NPAS3: variants seen among roughly 807,000 people sequenced by gnomAD.
NPAS3 encodes neuronal PAS domain-containing protein 3.
Under a neutral mutation model 73.1 loss-of-function variants are expected in NPAS3, and 14 were observed. That is an observed-to-expected ratio of 0.19 (90% CI 0.13 to 0.30). The LOEUF is 0.30. NPAS3 is among the 10% of genes least tolerant of loss of function. The pLI, the probability that NPAS3 is intolerant of heterozygous loss-of-function variation, is 1.00. For missense variants in NPAS3, 1,096 were observed against 1,250.0 expected (o/e 0.88, Z 1.86); for synonymous variants, 620 against 541.5 (o/e 1.14, Z -2.01).
chr14:33,597,920 A>G (rs2057293296), intron 5 of NPAS3, among the ~76,000 whole-genome samples: 1 of 152,254 alleles, frequency 6.6e-6, no homozygotes, highest in South Asian at 2.1e-4. Flanking sequence ...CTGAAAATTC[A>G]TAGAACTCTT....
intron 9 of NPAS3, among the ~76,000 whole-genome samples, chr14:33,785,249 C>G (rs2063133136): frequency 6.6e-6 from 1 of 151,502 alleles, no homozygotes; most frequent in Non-Finnish European, 1.5e-5. Flanking sequence ...GCCTGGCCAA[C>G]ACAGTGAAAC....
At chr14:33,428,659 CA>C (rs1407664049) in intron 4 of NPAS3, among the ~76,000 whole-genome samples, 2 of 152,216 alleles carry the variant, frequency 1.3e-5, no homozygotes, top group African/African-American at 4.8e-5. Flanking sequence ...TGTTTAGACT[CA>C]CACTGAGCAC....
chr14:33,023,091 T>A (rs1400815716), intron 1 of NPAS3, among the ~76,000 whole-genome samples: 1 of 150,726 alleles, frequency 6.6e-6, no homozygotes, highest in African/African-American at 2.4e-5. Context: ...AAACACAAAT[T>A]TAAAAAAAAA....
rs375141022 is a variant in NPAS3, at chr14:33,648,857, T to C, written c.559-27354T>C. Among the ~76,000 whole-genome samples the C allele has an allele frequency of 1.5e-4, 23 of 152,304 alleles. 1 individual carries two copies. Among genetic ancestry groups the C allele is most frequent in the African/African-American group, 4.1e-4 (17 of 41,580 alleles). ...CATTGTCTCTATTCTAAATTTACTC[T>C]AGTTTGTCAATGTCCCATTGGTGCT... On this transcript the variant is annotated intron_variant, in intron 5 of 11. Coordinates refer to ENST00000356141, the Ensembl canonical transcript of NPAS3.
intron 6 of NPAS3, among the ~76,000 whole-genome samples, chr14:33,707,432 T>C (rs549294092): frequency 1.3e-5 from 2 of 152,208 alleles, no homozygotes; most frequent in South Asian, 2.1e-4. Flanking sequence ...GAACTGGATG[T>C]TGGAAACTGC....
chr14:33,761,225 C>T (rs1301748970), intron 7 of NPAS3, among the ~76,000 whole-genome samples: 2 of 151,370 alleles, frequency 1.3e-5, no homozygotes, highest in East Asian at 3.9e-4. Context: ...ACCTTCCATC[C>T]TTCAAAGGTT....
At chr14:33,419,947 C>T (rs565453584) in intron 4 of NPAS3, among the ~76,000 whole-genome samples, 1 of 152,036 alleles carries the variant, frequency 6.6e-6, no homozygotes, top group South Asian at 2.1e-4. Flanking sequence ...GGAAAATATA[C>T]TTCCAAGTTA....
At chr14:33,007,568 G>A (rs1026322487) in intron 1 of NPAS3, among the ~76,000 whole-genome samples, 3 of 152,190 alleles carry the variant, frequency 2.0e-5, no homozygotes, top group Non-Finnish European at 2.9e-5. Flanking sequence ...AAGAGATATT[G>A]TTTTGTTCTG....
chr14:33,655,371 C>G (rs1285129450), intron 5 of NPAS3, among the ~76,000 whole-genome samples: 11 of 94,712 alleles, frequency 1.2e-4, no homozygotes, highest in African/African-American at 4.7e-4. Context: ...CAAGTGAACT[C>G]TTTTGCTTTT....
chr14:33,701,720 C>CTTCACTCA (rs796796873), intron 6 of NPAS3, among the ~76,000 whole-genome samples: 3 of 152,296 alleles, frequency 2.0e-5, no homozygotes, highest in African/African-American at 7.2e-5. Flanking sequence ...AGGCCTGTTC[C>CTTCACTCA]TTCACTCATT....
chr14:33,702,058 G>C (rs1461129535), intron 6 of NPAS3, among the ~76,000 whole-genome samples: 1 of 152,212 alleles, frequency 6.6e-6, no homozygotes, highest in Non-Finnish European at 1.5e-5. Flanking sequence ...ATAAAAACTG[G>C]AGAACTTTCT....
chr14:33,031,984 C>T (rs1344378328), intron 1 of NPAS3, among the ~76,000 whole-genome samples: 2 of 152,200 alleles, frequency 1.3e-5, no homozygotes, highest in East Asian at 3.8e-4. Flanking sequence ...AAAGGGAAAT[C>T]AGATGCTGTG....
chr14:33,335,727 G>A (rs1309386330), intron 3 of NPAS3, among the ~76,000 whole-genome samples: 1 of 152,122 alleles, frequency 6.6e-6, no homozygotes, highest in East Asian at 1.9e-4. Context: ...CTGGCTGTTA[G>A]TAATCTTATA....
intron 7 of NPAS3, among the ~76,000 whole-genome samples, chr14:33,748,239 A>G (rs2061861657): frequency 6.6e-6 from 1 of 152,206 alleles, no homozygotes; most frequent in Non-Finnish European, 1.5e-5. Flanking sequence ...AGAGATGAGA[A>G]TATGTAGCCA....
In NPAS3 at chr14:33,292,468, G is replaced by A. The variant is rs1043841095; in HGVS notation, c.386-74718G>A. Among the ~76,000 whole-genome samples the A allele has an allele frequency of 6.6e-5, 10 of 151,742 alleles. 1 individual carries two copies. In the East Asian group the frequency reaches 7.7e-4, roughly 12 times the overall value. ...TTTAATTATTAAATATTTCTTTATT[G>A]TGAAAAAATAAAAATCACCCCTTCA... is the stretch of plus-strand genomic sequence containing the variant. On this transcript the variant is annotated intron_variant, in intron 3 of 11. Coordinates refer to ENST00000356141, the Ensembl canonical transcript of NPAS3.
chr14:33,763,069 A>C (rs1184981620), intron 7 of NPAS3, among the ~76,000 whole-genome samples: 2 of 152,194 alleles, frequency 1.3e-5, no homozygotes, highest in Non-Finnish European at 2.9e-5. Context: ...CTGGCCCTGC[A>C]TCCTCGGGCA....
At chr14:33,638,496 A>C (rs925070000) in intron 5 of NPAS3, among the ~76,000 whole-genome samples, 38 of 152,346 alleles carry the variant, frequency 2.5e-4, no homozygotes, top group African/African-American at 8.4e-4. Flanking sequence ...GAAAATAATA[A>C]CACCAGCTGT....
At chr14:33,197,317 T>G (rs1319513670) in intron 2 of NPAS3, among the ~76,000 whole-genome samples, 1 of 150,974 alleles carries the variant, frequency 6.6e-6, no homozygotes, top group Non-Finnish European at 1.5e-5. Context: ...AAGCTACAGA[T>G]GAAGAGCAGT....
intron 5 of NPAS3, among the ~76,000 whole-genome samples, chr14:33,602,542 C>T (rs540937679): frequency 3.3e-5 from 5 of 152,322 alleles, no homozygotes; most frequent in African/African-American, 9.6e-5. Context: ...GCATCCTGCA[C>T]GCACTCACCT....
Sources: gnomAD v4.1 joint callset for allele counts (sites outside exome capture counted in the v4.1 genomes callset) on GRCh38, gnomAD v4.1.1 for gene constraint, MANE v1.5 for transcripts, NCBI Gene and HGNC (gene_info 2026-07-23, HGNC 2026-07-21) for gene names.